SLC30A6: variants seen among roughly 807,000 people sequenced by gnomAD.
SLC30A6 encodes the protein solute carrier family 30 member 6.
In SLC30A6, 55 loss-of-function variants were observed where a neutral mutation model predicts 63.0. That is an observed-to-expected ratio of 0.87 (90% CI 0.70 to 1.09). The LOEUF is 1.09. Among genes scored for constraint, SLC30A6 ranks in the 50% least tolerant of loss-of-function variants. The pLI is 0.00. For synonymous variants in SLC30A6, 224 were observed against 186.1 expected (o/e 1.20, Z -1.66); for missense variants, 587 against 549.2 (o/e 1.07, Z -0.69).
chr2:32,171,207 A>G (rs1681169855), intron 1 of SLC30A6, 80 bp from the exon 2 acceptor site: 6 of 1,140,562 alleles, frequency 5.3e-6, no homozygotes, highest in South Asian at 1.3e-5. Context: ...TTTATATCAT[A>G]GGAACCACTA....
chr2:32,175,941 CCAG>C (rs1273679631), intron 4 of SLC30A6, among the ~76,000 whole-genome samples: 2 of 152,132 alleles, frequency 1.3e-5, no homozygotes, highest in Non-Finnish European at 2.9e-5. Flanking sequence ...CCACCACACT[CCAG>C]CCTGGGCAAC....
intron 13 of SLC30A6, among the ~76,000 whole-genome samples, chr2:32,219,802 T>C (rs1202077602): frequency 6.6e-6 from 1 of 152,224 alleles, no homozygotes; most frequent in Non-Finnish European, 1.5e-5. Context: ...TTCATTGCTT[T>C]TCCCTCAGTG....
intron 10 of SLC30A6, chr2:32,203,099 C>T (rs1441036559): frequency 8.4e-6 from 11 of 1,308,368 alleles, no homozygotes; most frequent in Non-Finnish European, 1.2e-5. Flanking sequence ...CACTAAAAGA[C>T]TTCAGAGAAG....
rs963348648 is a variant in SLC30A6 at position 32,193,133 on chromosome 2, G to A, written c.401+180G>A. 1.6e-4 allele frequency among the ~76,000 whole-genome samples: 25 copies of A among 152,216 alleles called. No individual in the cohort carries two copies. In the East Asian group the frequency reaches 4.6e-3, roughly 28 times the overall value. On this transcript the variant is annotated intron_variant, in intron 7 of 13. Transcript: ENST00000282587. ...TTTCTTTACTCTTAACAGTTCCCAA[G>A]TTCTAAATATTTTTATACTACACAG...
chr2:32,208,529 C>G (rs1018090811), intron 12 of SLC30A6, among the ~76,000 whole-genome samples: 4 of 150,954 alleles, frequency 2.6e-5, no homozygotes, highest in Non-Finnish European at 5.9e-5. Flanking sequence ...ATCCTCCCAT[C>G]TTGGCCTTCC....
chr2:32,176,795 C>T (rs778328872), intron 4 of SLC30A6, among the ~76,000 whole-genome samples: 8 of 149,954 alleles, frequency 5.3e-5, no homozygotes, highest in African/African-American at 1.5e-4. Flanking sequence ...TTCTTTGAGA[C>T]GGAATCTTAC....
chr2:32,200,421 G>A (rs1044497525), intron 10 of SLC30A6, among the ~76,000 whole-genome samples: 1 of 151,802 alleles, frequency 6.6e-6, no homozygotes, highest in Non-Finnish European at 1.5e-5. Flanking sequence ...AAGGGGGAAA[G>A]GTGGGGAAAA....
chr2:32,195,781 G>A (rs868799032), intron 8 of SLC30A6, among the ~76,000 whole-genome samples: 17 of 152,014 alleles, frequency 1.1e-4, no homozygotes, highest in South Asian at 4.1e-4. Context: ...GGCTCAAGCA[G>A]TCCTCTCACA....
intron 5 of SLC30A6, among the ~76,000 whole-genome samples, chr2:32,190,571 A>G (rs1288161704): frequency 6.6e-6 from 1 of 152,088 alleles, no homozygotes; most frequent in Non-Finnish European, 1.5e-5. Flanking sequence ...TTGTTCTGTT[A>G]TCACCTAGAA....
In SLC30A6 at chr2:32,222,950, A is replaced by G. The variant is rs767901377; in HGVS notation, c.*2237A>G. On this transcript the variant is annotated 3_prime_UTR_variant, in exon 14 of 14. Transcript: ENST00000282587. The stretch of plus-strand genomic sequence containing the variant: ...CAGTTCTGTGTGAGGTTTTATGCCT[A>G]CTTCCTCAACACCAATTCAGAGGCA... 6.6e-6 allele frequency: 1 copy of G among 152,198 alleles called. No individual in the cohort carries two copies. The highest frequency in any genetic ancestry group is 1.5e-5 in the Non-Finnish European group (1 of 68,036). 9.4% of individuals were successfully genotyped at this position (152,198 alleles called of 1,614,324 possible).
intron 7 of SLC30A6, 21 bp downstream of exon 7, chr2:32,192,974 T>C: frequency 1.4e-6 from 2 of 1,400,370 alleles, no homozygotes; most frequent in Non-Finnish European, 9.9e-7. Context: ...ATTTTCAATA[T>C]ATAATTTACT....
intron 1 of SLC30A6, among the ~76,000 whole-genome samples, chr2:32,167,190 C>G (rs367882202): frequency 2.8e-4 from 43 of 152,282 alleles, no homozygotes; most frequent in Middle Eastern, 3.4e-3. Context: ...ATTCTCCTGC[C>G]TCACCTTCCC....
chr2:32,208,959 T>C (rs1685023104), intron 12 of SLC30A6, among the ~76,000 whole-genome samples: 1 of 152,222 alleles, frequency 6.6e-6, no homozygotes, highest in Non-Finnish European at 1.5e-5. Flanking sequence ...TGGCTACTAC[T>C]CTCAACTAGT....
intron 13 of SLC30A6, among the ~76,000 whole-genome samples, chr2:32,216,936 T>C (rs1344025669): frequency 6.6e-6 from 1 of 152,166 alleles, no homozygotes; most frequent in African/African-American, 2.4e-5. Context: ...TCACCCAGGC[T>C]GGAGTGCAGT....
In SLC30A6 at chr2:32,197,361, C is replaced by T; in HGVS notation, c.514C>T (p.Leu172Phe). 1 of 1,613,540 alleles carries T rather than the reference C, an allele frequency of 6.2e-7. No individual in the cohort carries two copies. The highest frequency in any genetic ancestry group is 8.5e-7 in the Non-Finnish European group (1 of 1,179,772). ...YVSEAASTSW[L>F]QEHVADLSRS... Reference sequence around the variant, plus strand: ...TCTTAAAGCTGCTAGTACGAGCTGGCTTCAAGAGCATGTTGCAGATCTTAG... The same window carrying T: ...TCTTAAAGCTGCTAGTACGAGCTGGTTTCAAGAGCATGTTGCAGATCTTAG... Residue 172 changes from leucine (L) to phenylalanine (F), a missense_variant, in exon 9 of 14, where the codon CTT (leucine) becomes TTT (phenylalanine). Transcript: ENST00000282587.
chr2:32,203,467 A>T, intron 10 of SLC30A6: 1 of 1,584,464 alleles, frequency 6.3e-7, no homozygotes, highest in Admixed American at 1.7e-5. Context: ...CAGAAGAGAA[A>T]GGGGCAGTGG....
intron 1 of SLC30A6, among the ~76,000 whole-genome samples, chr2:32,167,586 C>A (rs1414242501): frequency 2.0e-5 from 3 of 151,986 alleles, no homozygotes; most frequent in African/African-American, 7.2e-5. Flanking sequence ...TTTCATGAAC[C>A]TTTCCCTCAT....
At chr2:32,194,017 C>A in intron 8 of SLC30A6, 34 bp downstream of exon 8, 1 of 1,516,718 alleles carries the variant, frequency 6.6e-7, no homozygotes, top group Non-Finnish European at 9.1e-7. Context: ...TTTAAAAATC[C>A]AACTAATCTC....
chr2:32,209,419 T>C, intron 12 of SLC30A6, 74 bp from the exon 13 acceptor site: 1 of 1,191,624 alleles, frequency 8.4e-7, no homozygotes, highest in East Asian at 2.5e-5. Flanking sequence ...TTAAACTAAG[T>C]CCATAATGTG....
Sources: gnomAD v4.1 joint callset for allele counts (sites outside exome capture counted in the v4.1 genomes callset) on GRCh38, gnomAD v4.1.1 for gene constraint, MANE v1.5 for transcripts, NCBI Gene and HGNC (gene_info 2026-07-23, HGNC 2026-07-21) for gene names.